Variants in AKT1 observed in about 807,000 individuals in gnomAD.
AKT1 encodes the protein AKT serine/threonine kinase 1.
A neutral mutation model predicts 63.1 loss-of-function variants in AKT1; 21 were observed. That is an observed-to-expected ratio of 0.33 (90% CI 0.24 to 0.48). The LOEUF is 0.48. AKT1 is among the 20% of genes least tolerant of loss of function. The pLI is 0.99. For missense variants in AKT1, 382 were observed against 666.0 expected (o/e 0.57, Z 4.69); for synonymous variants, 257 against 253.1 (o/e 1.02, Z -0.15).
In AKT1 at chr14:104,795,436, G is replaced by A. The variant is rs1893842897; in HGVS notation, c.-258+48C>T. 6.8e-6 allele frequency: 1 copy of A among 147,146 alleles called. No individual in the cohort carries two copies. Among genetic ancestry groups the A allele is most frequent in the South Asian group, 2.1e-4 (1 of 4,810 alleles). The allele number at this position is 147,146 out of a possible 1,614,324, so 9.1% of individuals were successfully genotyped here. On this transcript the variant is annotated intron_variant, in intron 1 of 14. Transcript: ENST00000649815. This position sits in a 1 kb window ranked among gnomAD's most constrained non-coding sequence, Gnocchi z 5.1. ...GGCCGCGAACAAAGCGGCCCGGCCC[G>A]CGGGGAGGAAATCCAGGCCCGGGCG...
chr14:104,781,522 G>A (rs866641567), intron 3 of AKT1, among the ~76,000 whole-genome samples: 1 of 152,134 alleles, frequency 6.6e-6, no homozygotes, highest in Admixed American at 6.5e-5. Flanking sequence ...TACTTTCCAG[G>A]GAGCCACGGG....
chr14:104,777,723 G>A, intron 4 of AKT1: 3 of 985,704 alleles, frequency 3.0e-6, no homozygotes, highest in Non-Finnish European at 3.6e-6. Context: ...TGAGGGGCCA[G>A]TGGGGGGCCT....
chr14:104,777,039 C>T (rs911615386), intron 4 of AKT1: 42 of 437,884 alleles, frequency 9.6e-5, no homozygotes, highest in African/African-American at 7.0e-4. Flanking sequence ...ATCGTCCACT[C>T]CTACAGTCCT....
In AKT1 at chr14:104,778,878, G is replaced by C. The variant is rs535313325; in HGVS notation, c.175+1210C>G. ...ATGGAACCTAAGGCCAGCCCCTGGT[G>C]GGCACCTCGCTCTGCACCACAGACC... is the stretch of plus-strand genomic sequence containing the variant. On this transcript the variant is annotated intron_variant, in intron 4 of 14. Coordinates refer to ENST00000649815, the MANE Select transcript of AKT1 (RefSeq NM_001382430.1). Among the ~76,000 whole-genome samples the C allele has an allele frequency of 3.9e-5, 6 of 152,264 alleles. No homozygotes were observed. In the South Asian group the frequency reaches 1.2e-3, roughly 32 times the overall value.
intron 14 of AKT1, 112 bp from the exon 15 acceptor site, chr14:104,770,532 C>T: frequency 8.6e-7 from 1 of 1,158,854 alleles, no homozygotes; most frequent in South Asian, 1.5e-5. Context: ...CGCTGCCATA[C>T]TGCCAGGAAA....
intron 3 of AKT1, among the ~76,000 whole-genome samples, chr14:104,788,109 C>A (rs1165100231): frequency 6.6e-6 from 1 of 152,152 alleles, no homozygotes; most frequent in Non-Finnish European, 1.5e-5. Context: ...CTGGCCTGCC[C>A]ACGGGGGCCG....
rs1893854231 is a variant in AKT1 at position 104,795,607 on chromosome 14, CGCT to C, written c.-384_-382del. The C allele has an allele frequency of 6.9e-6, 1 of 145,286 alleles. No homozygotes were observed. Among genetic ancestry groups the C allele is most frequent in the Non-Finnish European group, 1.5e-5 (1 of 65,516 alleles). The allele number at this position is 145,286 out of a possible 1,614,324, so 9.0% of individuals were successfully genotyped here. A position where few individuals can be genotyped will look rare whatever the true frequency, so the allele number is the denominator to read the frequency against. ...GGCTGGAGGCCGCGGCGGGCGGGGG[CGCT>C]GCTCGGGGCCGGGCCTCGCGTGCCG... On this transcript the variant is annotated 5_prime_UTR_variant, in exon 1 of 15. Coordinates refer to ENST00000649815, the MANE Select transcript of AKT1 (RefSeq NM_001382430.1). The surrounding 1 kb of genome is among the most constrained non-coding windows in gnomAD (Gnocchi z 5.1).
At chr14:104,777,666 G>A in intron 4 of AKT1, 3 of 986,496 alleles carry the variant, frequency 3.0e-6, no homozygotes, top group Non-Finnish European at 3.6e-6. Context: ...TAGCCGCTGG[G>A]GCTCCGTGGC....
rs111259281 is a variant in AKT1, at chr14:104,775,319, G to A, written c.436-112C>T. On this transcript the variant is annotated intron_variant, in intron 6 of 14. Transcript: ENST00000649815. ...AGTCGGAGGCAGAGCCAGGAGAGGCGTCCACTTCACACCTGGTGGCCTACT... is the reference window on the plus strand; with the variant it reads ...AGTCGGAGGCAGAGCCAGGAGAGGCATCCACTTCACACCTGGTGGCCTACT... The A allele has an allele frequency of 4.3e-5, 66 of 1,542,614 alleles. 1 individual carries two copies. In the African/African-American group the frequency reaches 4.5e-4, roughly 10 times the overall value.
chr14:104,771,479 G>A (rs1248165210), intron 13 of AKT1: 6 of 232,380 alleles, frequency 2.6e-5, no homozygotes, highest in Admixed American at 5.6e-5. Context: ...TTGTCAATTA[G>A]CAAGGTCTCT....
chr14:104,777,088 G>A (rs1892760689), intron 4 of AKT1: 2 of 330,372 alleles, frequency 6.1e-6, no homozygotes, highest in East Asian at 6.6e-5. Context: ...CCAGGCCTCA[G>A]AGGATGAGGG....
chr14:104,772,304 T>C, intron 13 of AKT1, 61 bp downstream of exon 13: 2 of 1,566,348 alleles, frequency 1.3e-6, no homozygotes, highest in Non-Finnish European at 8.8e-7. Flanking sequence ...GCCACGTGCA[T>C]GCGTGAGTGT....
chr14:104,774,662 G>GCTGGGGCCTC, intron 8 of AKT1: 1 of 490,162 alleles, frequency 2.0e-6, no homozygotes, highest in Non-Finnish European at 3.6e-6. Context: ...GGCATGGGGA[G>GCTGGGGCCTC]CTGGGGCCTC....
intron 4 of AKT1, chr14:104,777,020 A>C (rs767497910): frequency 2.1e-6 from 1 of 470,680 alleles, no homozygotes; most frequent in Non-Finnish European, 3.9e-6. Context: ...GTCAGGTCAA[A>C]CCCCCACCAT....
chr14:104,776,630 G>A (rs570889914), intron 5 of AKT1, 29 bp downstream of exon 5: 9 of 1,598,318 alleles, frequency 5.6e-6, no homozygotes, highest in East Asian at 4.5e-5. Context: ...CTGCCCAAGT[G>A]CCTGGCCTGG....
chr14:104,780,224 C>T lies in AKT1; in HGVS notation c.47-8G>A, dbSNP rs770565457. The T allele has an allele frequency of 2.5e-5, 40 of 1,612,778 alleles. No individual in the cohort carries two copies. Among genetic ancestry groups the T allele is most frequent in the East Asian group, 6.7e-5 (3 of 44,876 alleles). ...AGGTCTTGATGTACTCCCCTACAGA[C>T]GTGCGGGTGGTGAGAGCCACGCACA... On this transcript the variant is annotated splice_polypyrimidine_tract_variant and splice_region_variant and intron_variant, in intron 3 of 14. Transcript: ENST00000649815.
At chr14:104,774,745 G>A (rs1400200379) in intron 8 of AKT1, 193 bp downstream of exon 8, 7 of 635,940 alleles carry the variant, frequency 1.1e-5, no homozygotes, top group East Asian at 2.8e-5. Flanking sequence ...CGGGAGCAGC[G>A]AGCACAGCCC....
At chr14:104,771,371 C>T (rs892392176) in intron 13 of AKT1, 3 of 232,544 alleles carry the variant, frequency 1.3e-5, no homozygotes, top group African/African-American at 2.2e-5. Flanking sequence ...GATGTGCACA[C>T]GTGAGGAGCT....
chr14:104,773,619 G>C, intron 9 of AKT1, 39 bp from the exon 10 acceptor site: 1 of 1,579,354 alleles, frequency 6.3e-7, no homozygotes, highest in East Asian at 2.3e-5. Flanking sequence ...CGTGGCTCGG[G>C]CCTCTGCCCC....
Sources: allele counts gnomAD v4.1 joint callset (sites outside exome capture counted in the v4.1 genomes callset), GRCh38; gene constraint gnomAD v4.1.1; non-coding constraint Gnocchi (gnomAD v3.1); transcripts MANE v1.5; gene names NCBI Gene and HGNC (gene_info 2026-07-23, HGNC 2026-07-21).